The following MBNL1 variants were observed in gnomAD, a reference collection of about 807,000 sequenced individuals.
MBNL1 encodes the protein muscleblind like splicing regulator 1.
A neutral mutation model predicts 42.2 loss-of-function variants in MBNL1; 8 were observed. The observed-to-expected ratio is 0.19, with a 90% CI of 0.11 to 0.34. The LOEUF (loss-of-function observed/expected upper bound fraction) is 0.34, where lower values mean the gene tolerates loss of function less well. Among genes scored for constraint, MBNL1 ranks in the 10% least tolerant of loss-of-function variants. MBNL1 has a pLI of 1.00. For synonymous variants in MBNL1, 169 were observed against 173.9 expected (o/e 0.97, Z 0.22); for missense variants, 309 against 495.3 (o/e 0.62, Z 3.57).
upstream of MBNL1, chr3:152,268,890 C>A (rs765935306): frequency 2.2e-6 from 1 of 454,626 alleles, no homozygotes; most frequent in South Asian, 1.6e-5. Context: ...CAGCGGAAGC[C>A]AGACCTCGGC....
At chr3:152,377,491 A>G (rs1482483498) in intron 2 of MBNL1, among the ~76,000 whole-genome samples, 1 of 152,228 alleles carries the variant, frequency 6.6e-6, no homozygotes, top group Non-Finnish European at 1.5e-5. Context: ...ATTTGGGGAC[A>G]ATAAAAGGCC....
rs555105565 is a variant in MBNL1 at position 152,464,584 on chromosome 3, G to A, written c.*2218G>A. On this transcript the variant is annotated 3_prime_UTR_variant, in exon 10 of 10. Transcript: ENST00000324210. ...ATTAGAATAAAATTTATTTTCTACTGTATCCATTTCAAATGTTAAAATATT... is the reference window on the plus strand; with the variant it reads ...ATTAGAATAAAATTTATTTTCTACTATATCCATTTCAAATGTTAAAATATT... 16 of 152,604 alleles carry A rather than the reference G, an allele frequency of 1.0e-4. No homozygotes were observed. The South Asian group carries it at 2.9e-3, about 28-fold the overall frequency. The allele number at this position is 152,604 out of a possible 1,614,324, so 9.5% of individuals were successfully genotyped here. A position where few individuals can be genotyped will look rare whatever the true frequency, so the allele number is the denominator to read the frequency against.
At chr3:152,450,766 A>G (rs75597573) in intron 6 of MBNL1, among the ~76,000 whole-genome samples, 2,023 of 152,298 alleles carry the variant, frequency 0.013, 36 homozygotes, top group African/African-American at 0.046. Flanking sequence ...CCTGACATAC[A>G]GTGTTGCTAG....
At chr3:152,332,725 TGTGTGTGTGTGTGTGCGCGC>T (rs1253583201) in intron 2 of MBNL1, among the ~76,000 whole-genome samples, 3 of 130,472 alleles carry the variant, frequency 2.3e-5, no homozygotes, top group African/African-American at 9.4e-5. Flanking sequence ...TGTGTGTGTG[TGTGTGTGTGTGTGTGCGCGC>T]GCGCATGCGC....
chr3:152,335,178 A>G (rs1335162741), intron 2 of MBNL1: 1 of 1,289,724 alleles, frequency 7.8e-7, no homozygotes, highest in South Asian at 1.2e-5. Context: ...TGGCAAGAAG[A>G]AGCTGTATCT....
intron 2 of MBNL1, among the ~76,000 whole-genome samples, chr3:152,352,769 T>G (rs2095165159): frequency 6.6e-6 from 1 of 152,216 alleles, no homozygotes; most frequent in Admixed American, 6.5e-5. Flanking sequence ...CTGAGTCCTC[T>G]GGGATGCAGC....
At chr3:152,399,467 ACT>A (rs2098123133) in intron 2 of MBNL1, among the ~76,000 whole-genome samples, 1 of 151,936 alleles carries the variant, frequency 6.6e-6, no homozygotes, top group Non-Finnish European at 1.5e-5. Flanking sequence ...AAGTAGGTAT[ACT>A]CTGTTATTAT....
At chr3:152,322,973 G>T (rs1041619193) in intron 2 of MBNL1, among the ~76,000 whole-genome samples, 1 of 151,990 alleles carries the variant, frequency 6.6e-6, no homozygotes, top group East Asian at 1.9e-4. Context: ...ATAGACTGAC[G>T]GTTTGTGGGA....
chr3:152,335,142 C>G, intron 2 of MBNL1: 1 of 1,289,414 alleles, frequency 7.8e-7, no homozygotes. Context: ...TTAAGGGGAA[C>G]CTTCTGGATC....
At chr3:152,341,054 C>G (rs943758979) in intron 2 of MBNL1, 9 of 993,316 alleles carry the variant, frequency 9.1e-6, no homozygotes, top group Non-Finnish European at 1.2e-5. Flanking sequence ...GCATTTTATT[C>G]ATATATGAAA....
At chr3:152,357,996 T>C (rs1466341570) in intron 2 of MBNL1, among the ~76,000 whole-genome samples, 1 of 151,854 alleles carries the variant, frequency 6.6e-6, no homozygotes, top group Non-Finnish European at 1.5e-5. Flanking sequence ...TAGAAGGGTG[T>C]GTGTGTGTGT....
chr3:152,351,334 A>C (rs1297538939), intron 2 of MBNL1, among the ~76,000 whole-genome samples: 1 of 152,216 alleles, frequency 6.6e-6, no homozygotes, highest in Admixed American at 6.5e-5. Context: ...CCATACCATA[A>C]GCACAAATCC....
At position 152,350,484 on chromosome 3, in the gene MBNL1, G is replaced by C. The variant is rs544904428; in HGVS notation, c.174+50117G>C. Among the ~76,000 whole-genome samples the C allele has an allele frequency of 8.5e-4, 129 of 152,250 alleles. 1 individual carries two copies. The highest frequency in any genetic ancestry group is 3.4e-3 in the Middle Eastern group (1 of 294). ...GTCAGCTGAAGGATTCAGCACAGAA[G>C]AGGTTGTTGTAGAGCAGTGAGGGTT... is the stretch of plus-strand genomic sequence containing the variant. On this transcript the variant is annotated intron_variant, in intron 2 of 9. Coordinates refer to ENST00000324210, the MANE Select transcript of MBNL1 (RefSeq NM_021038.5).
intron 1 of MBNL1, among the ~76,000 whole-genome samples, chr3:152,271,833 G>GT (rs1460582803): frequency 6.6e-6 from 1 of 152,116 alleles, no homozygotes; most frequent in Non-Finnish European, 1.5e-5. Context: ...GTCCAGTACA[G>GT]TAGCCACATG....
intron 2 of MBNL1, among the ~76,000 whole-genome samples, chr3:152,380,806 G>A (rs573595805): frequency 6.6e-6 from 1 of 152,010 alleles, no homozygotes; most frequent in East Asian, 1.9e-4. Context: ...TAAGCACTGA[G>A]TTAATATTTT....
At chr3:152,322,820 C>G (rs2077209189) in intron 2 of MBNL1, among the ~76,000 whole-genome samples, 1 of 152,018 alleles carries the variant, frequency 6.6e-6, no homozygotes, top group Admixed American at 6.6e-5. Context: ...AGAAGAGCAA[C>G]AGAAAGCAAC....
chr3:152,456,562 G>A (rs1261609886), intron 8 of MBNL1, among the ~76,000 whole-genome samples: 2 of 152,156 alleles, frequency 1.3e-5, no homozygotes, highest in East Asian at 3.9e-4. Context: ...GCAGCAGAAT[G>A]CTTTTATGCC....
intron 2 of MBNL1, among the ~76,000 whole-genome samples, chr3:152,358,197 CT>C (rs2095665072): frequency 6.6e-6 from 1 of 152,072 alleles, no homozygotes; most frequent in African/African-American, 2.4e-5. Context: ...TTTTTTTAAG[CT>C]TAAAAGACAA....
chr3:152,424,798 CA>C (rs1296821588), intron 3 of MBNL1, among the ~76,000 whole-genome samples: 4 of 152,156 alleles, frequency 2.6e-5, no homozygotes, highest in Non-Finnish European at 5.9e-5. Flanking sequence ...TGATCTTTGA[CA>C]AACCTGACAA....
Sources: gnomAD v4.1 joint callset for allele counts (sites outside exome capture counted in the v4.1 genomes callset) on GRCh38, gnomAD v4.1.1 for gene constraint, MANE v1.5 for transcripts, NCBI Gene and HGNC (gene_info 2026-07-23, HGNC 2026-07-21) for gene names.